The following CTNNA2 variants were observed in gnomAD, a reference collection of about 807,000 sequenced individuals.
CTNNA2 encodes catenin alpha-2.
In CTNNA2, 42 loss-of-function variants were observed where a neutral mutation model predicts 101.0. The observed-to-expected ratio is 0.42, with a 90% CI of 0.32 to 0.54. The LOEUF (loss-of-function observed/expected upper bound fraction) is 0.54, where lower values mean the gene tolerates loss of function less well. CTNNA2 is among the 20% of genes least tolerant of loss of function. The probability of loss-of-function intolerance (pLI) is 0.14; values close to 1 mark genes in which losing one functional copy is unlikely to be tolerated. For synonymous variants in CTNNA2, 450 were observed against 456.4 expected (o/e 0.99, Z 0.18); for missense variants, 871 against 1,223.1 (o/e 0.71, Z 4.29).
At chr2:79,385,619 AC>A (rs1678090236) in intron 4 of CTNNA2, among the ~76,000 whole-genome samples, 1 of 151,832 alleles carries the variant, frequency 6.6e-6, no homozygotes, top group Non-Finnish European at 1.5e-5. Flanking sequence ...GCACCTATCA[AC>A]CCATCATCTA....
At chr2:80,157,254 T>C (rs77235786) in intron 7 of CTNNA2, among the ~76,000 whole-genome samples, 3,199 of 152,202 alleles carry the variant, frequency 0.021, 113 homozygotes, top group African/African-American at 0.072. Flanking sequence ...CCAAAAATGC[T>C]CCTACCTTTC....
At chr2:79,433,691 G>A (rs904317889) in intron 4 of CTNNA2, among the ~76,000 whole-genome samples, 17 of 145,026 alleles carry the variant, frequency 1.2e-4, no homozygotes, top group African/African-American at 4.0e-4. Context: ...CCAGGACAAA[G>A]GAAACTTGTA....
chr2:79,694,780 A>G (rs1395190336), intron 2 of CTNNA2, among the ~76,000 whole-genome samples: 1 of 151,872 alleles, frequency 6.6e-6, no homozygotes, highest in Admixed American at 6.6e-5. Context: ...ATTTTAATAG[A>G]AAGTAGAGAA....
At chr2:80,309,085 T>A (rs1365187257) in intron 7 of CTNNA2, among the ~76,000 whole-genome samples, 6 of 151,024 alleles carry the variant, frequency 4.0e-5, no homozygotes, top group African/African-American at 1.5e-4. Context: ...TGAGACTCTG[T>A]CTCAGAAAAA....
At chr2:79,404,657 T>C (rs1678323412) in intron 4 of CTNNA2, among the ~76,000 whole-genome samples, 1 of 152,030 alleles carries the variant, frequency 6.6e-6, no homozygotes, top group South Asian at 2.1e-4. Context: ...GGCCCCACAA[T>C]GGGCATGAGA....
chr2:80,213,985 T>G (rs994802638), intron 7 of CTNNA2, among the ~76,000 whole-genome samples: 2 of 152,240 alleles, frequency 1.3e-5, no homozygotes, highest in African/African-American at 4.8e-5. Context: ...TCTTTGTCTC[T>G]TTTGATCTTT....
chr2:80,189,286 C>A (rs1706323852), intron 7 of CTNNA2, among the ~76,000 whole-genome samples: 1 of 152,126 alleles, frequency 6.6e-6, no homozygotes, highest in South Asian at 2.1e-4. Context: ...CCTCAGTTAA[C>A]AAGAGTACTG....
chr2:79,279,763 T>C (rs1166032399), intron 2 of CTNNA2, among the ~76,000 whole-genome samples: 1 of 152,072 alleles, frequency 6.6e-6, no homozygotes, highest in African/African-American at 2.4e-5. Flanking sequence ...ATTCCTCTTC[T>C]TGACACTTCC....
chr2:79,371,114 T>C (rs1677861526), intron 3 of CTNNA2, among the ~76,000 whole-genome samples: 1 of 147,124 alleles, frequency 6.8e-6, no homozygotes, highest in Non-Finnish European at 1.5e-5. Flanking sequence ...CCGAATAACT[T>C]CTAGCATGGT....
At chr2:79,388,040 T>A (rs916459202) in intron 4 of CTNNA2, among the ~76,000 whole-genome samples, 3 of 152,130 alleles carry the variant, frequency 2.0e-5, no homozygotes, top group Admixed American at 1.3e-4. Context: ...AATAAAGCTG[T>A]TGAAATAATT....
At chr2:79,265,721 T>C (rs904300566) in intron 2 of CTNNA2, among the ~76,000 whole-genome samples, 14 of 152,196 alleles carry the variant, frequency 9.2e-5, no homozygotes, top group Admixed American at 6.5e-5. Flanking sequence ...AGGAAAATTA[T>C]TTCAGAAGTC....
intron 9 of CTNNA2, among the ~76,000 whole-genome samples, chr2:80,527,316 C>A (rs551686265): frequency 1.3e-4 from 20 of 152,136 alleles, no homozygotes; most frequent in Non-Finnish European, 2.8e-4. Flanking sequence ...AAAAGTGAAG[C>A]GTTTGTGGTA....
chr2:79,336,329 A>G (rs1365331151), intron 3 of CTNNA2, among the ~76,000 whole-genome samples: 1 of 152,190 alleles, frequency 6.6e-6, no homozygotes. Context: ...CGTGTGTGAC[A>G]TCCCTGTTAC....
At chr2:80,362,240 C>T (rs543609475) in intron 7 of CTNNA2, among the ~76,000 whole-genome samples, 1 of 152,210 alleles carries the variant, frequency 6.6e-6, no homozygotes, top group South Asian at 2.1e-4. Context: ...GAGAAAGACA[C>T]TCCTCCATTA....
intron 7 of CTNNA2, among the ~76,000 whole-genome samples, chr2:80,010,366 C>T (rs1469136165): frequency 6.6e-6 from 1 of 152,130 alleles, no homozygotes; most frequent in Non-Finnish European, 1.5e-5. Flanking sequence ...GTTGCCCAGG[C>T]TGGAGTACAG....
intron 7 of CTNNA2, among the ~76,000 whole-genome samples, chr2:80,182,862 A>C (rs994048368): frequency 2.0e-5 from 3 of 152,272 alleles, no homozygotes; most frequent in Admixed American, 6.5e-5. Context: ...AAACTTTAAC[A>C]TGCCATTATT....
At chr2:79,675,834 A>T (rs985823788) in intron 2 of CTNNA2, among the ~76,000 whole-genome samples, 14 of 152,202 alleles carry the variant, frequency 9.2e-5, no homozygotes, top group African/African-American at 3.1e-4. Context: ...GGATATAAAA[A>T]ATGTAAGTTC....
chr2:79,436,281 G>C (rs1435330952), intron 4 of CTNNA2, among the ~76,000 whole-genome samples: 2 of 152,172 alleles, frequency 1.3e-5, no homozygotes, highest in East Asian at 3.9e-4. Context: ...AAAGTTCAAA[G>C]CAAGTGATTG....
chr2:80,463,050 A>G (rs1028533107), intron 9 of CTNNA2, among the ~76,000 whole-genome samples: 2 of 151,068 alleles, frequency 1.3e-5, no homozygotes, highest in African/African-American at 2.4e-5. Flanking sequence ...CTTTTACCTG[A>G]CTCCCTAGGA....
Sources: allele counts gnomAD v4.1 joint callset (sites outside exome capture counted in the v4.1 genomes callset), GRCh38; gene constraint gnomAD v4.1.1; transcripts MANE v1.5; gene names NCBI Gene and HGNC (gene_info 2026-07-23, HGNC 2026-07-21).